C2CD3: variants seen among roughly 807,000 people sequenced by gnomAD.
C2CD3 encodes the protein C2 domain containing 3 centriole elongation regulator.
Under a neutral mutation model 234.0 loss-of-function variants are expected in C2CD3, and 148 were observed. The observed-to-expected ratio is 0.63, with a 90% CI of 0.55 to 0.72. The LOEUF is 0.72. Ranked by LOEUF, C2CD3 falls within the 30% of genes least tolerant of loss-of-function variation. The probability of loss-of-function intolerance (pLI) is 0.00; values close to 1 mark genes in which losing one functional copy is unlikely to be tolerated. For missense variants in C2CD3, 2,577 were observed against 2,811.5 expected, an observed-to-expected ratio of 0.92 and a Z score of 1.89; for synonymous variants, 1,000 against 1,035.4, an observed-to-expected ratio of 0.97 and a Z score of 0.66.
At chr11:74,015,444 G>A (rs1951844964) in intron 32 of C2CD3, among the ~76,000 whole-genome samples, 2 of 152,174 alleles carry the variant, frequency 1.3e-5, no homozygotes, top group Non-Finnish European at 2.9e-5. Context: ...GATCCAAGAT[G>A]GCTGTTTCCT....
intron 3 of C2CD3, among the ~76,000 whole-genome samples, chr11:74,144,277 C>G (rs1322561393): frequency 6.6e-6 from 1 of 152,090 alleles, no homozygotes; most frequent in Non-Finnish European, 1.5e-5. Flanking sequence ...ATAGATTGCT[C>G]CAACAATGCA....
intron 22 of C2CD3, among the ~76,000 whole-genome samples, chr11:74,084,555 C>T (rs913024107): frequency 3.9e-5 from 6 of 152,048 alleles, no homozygotes; most frequent in Non-Finnish European, 5.9e-5. Flanking sequence ...GGATTACAGG[C>T]GTGAGCCACC....
At chr11:74,028,895 G>A (rs1409307685) in intron 31 of C2CD3, among the ~76,000 whole-genome samples, 1 of 152,210 alleles carries the variant, frequency 6.6e-6, no homozygotes, top group East Asian at 1.9e-4. Flanking sequence ...GGGATGTGGG[G>A]ATTGGGATGT....
intron 32 of C2CD3, among the ~76,000 whole-genome samples, chr11:74,014,722 T>C (rs1350468988): frequency 6.6e-6 from 1 of 152,228 alleles, no homozygotes. Context: ...CCTAAAGAAT[T>C]AGAATTGCCA....
intron 32 of C2CD3, among the ~76,000 whole-genome samples, chr11:74,026,198 C>T (rs1180304301): frequency 6.6e-6 from 1 of 152,030 alleles, no homozygotes; most frequent in African/African-American, 2.4e-5. Context: ...GTCCTAGCTA[C>T]TCGAGAGGCT....
intron 26 of C2CD3, among the ~76,000 whole-genome samples, chr11:74,054,271 CAA>C (rs576353352): frequency 0.29 from 27,201 of 93,862 alleles, 2,836 homozygotes; most frequent in Admixed American, 0.39. Context: ...GATTCTGTCT[CAA>C]AAAAAAAAAA....
rs768362091 is a variant in C2CD3, at chr11:74,095,402, C to A, written c.2986G>T (p.Asp996Tyr). 1.2e-6 allele frequency: 2 copies of A among 1,609,348 alleles called. No individual in the cohort carries two copies. Among genetic ancestry groups the A allele is most frequent in the South Asian group, 2.2e-5 (2 of 90,134 alleles). ...TGCTCCATCAGTCCATTTCCTCGGT[C>A]CTCTGCCTATTAAATGAAACAGAAA... ...PTAASVAMAE[D>Y]RGNGLMEHCF... The change falls in exon 17 of 33, where the codon GAC becomes TAC. Residue 996 changes from aspartate to tyrosine, a missense_variant. Physicochemically the swap from Asp to Tyr is radical, Grantham distance 160 (BLOSUM62 -3). Coordinates refer to ENST00000334126, the MANE Select transcript of C2CD3 (RefSeq NM_001286577.2).
At chr11:74,131,935 A>AT (rs1247228120) in intron 7 of C2CD3, among the ~76,000 whole-genome samples, 1 of 152,240 alleles carries the variant, frequency 6.6e-6, no homozygotes, top group Non-Finnish European at 1.5e-5. Context: ...ACTATGCCCT[A>AT]TTAACTTTCC....
At chr11:74,038,367 A>C (rs1952847674) in intron 29 of C2CD3, among the ~76,000 whole-genome samples, 1 of 152,266 alleles carries the variant, frequency 6.6e-6, no homozygotes, top group Non-Finnish European at 1.5e-5. Context: ...CTCCAATAAG[A>C]AATCACACCA....
intron 11 of C2CD3, chr11:74,110,579 C>T (rs1035642271): frequency 6.6e-6 from 1 of 152,186 alleles, no homozygotes; most frequent in African/African-American, 2.4e-5. Flanking sequence ...GGAGGATGAA[C>T]TGAGGTAATA....
rs1045255224 is a variant in C2CD3, at chr11:74,168,164, G to A, written c.325+180C>T. The A allele has an allele frequency of 9.8e-5, 58 of 591,096 alleles. No individual in the cohort carries two copies. In the African/African-American group the frequency reaches 1.0e-3, roughly 10 times the overall value. 36.6% of individuals were successfully genotyped at this position (591,096 alleles called of 1,614,324 possible). The stretch of plus-strand genomic sequence containing the variant: ...ATTAGAAGTAATACATTTCAAAACT[G>A]CTGGCACACAGTAACACTCAATAAA... On this transcript the variant is annotated intron_variant, in intron 2 of 32. Transcript: ENST00000334126.
At chr11:74,154,109 AAAT>A in intron 3 of C2CD3, among the ~76,000 whole-genome samples, 1 of 152,122 alleles carries the variant, frequency 6.6e-6, no homozygotes, top group African/African-American at 2.4e-5. Context: ...AAAACTATAA[AAAT>A]ATTAGGGGAA....
In C2CD3 at chr11:74,164,949, T is replaced by C. The variant is rs1305613270; in HGVS notation, c.326-3393A>G. The C allele has an allele frequency of 5.3e-5, 8 of 152,158 alleles. No homozygotes were observed. In the South Asian group the frequency reaches 6.2e-4, roughly 12 times the overall value. The allele number at this position is 152,158 out of a possible 1,614,324, so 9.4% of individuals were successfully genotyped here. On this transcript the variant is annotated intron_variant, in intron 2 of 32. Transcript: ENST00000334126. ...AGGTGAGTGTCGTGGCATGTGCTTA[T>C]ATTCCCAGTTGCTCAGGAGGCTGAG...
At chr11:74,095,485 T>C in intron 16 of C2CD3, 77 bp from the exon 17 acceptor site, 1 of 1,115,584 alleles carries the variant, frequency 9.0e-7, no homozygotes, top group Non-Finnish European at 1.3e-6. Flanking sequence ...CTATGAAGTC[T>C]GAGTATAGAT....
Position 74,078,737 on chromosome 11 carries a change from A to C in C2CD3, c.4001-20T>G, listed in dbSNP as rs1313343792. 6.4e-7 allele frequency: 1 copy of C among 1,553,604 alleles called. No homozygotes were observed. The highest frequency in any genetic ancestry group is 8.7e-7 in the Non-Finnish European group (1 of 1,155,346). On this transcript the variant is annotated intron_variant, in intron 22 of 32. Coordinates refer to ENST00000334126, the MANE Select transcript of C2CD3 (RefSeq NM_001286577.2). ...TGATCCCTTACGGGAGAAAATAAAG[A>C]TTCTCAATTATAGTCTTAAAAGTAA...
In C2CD3 at chr11:74,028,398, G is replaced by T. The variant is rs753346949; in HGVS notation, c.6810C>A (p.Leu2270=). The T allele has an allele frequency of 3.9e-6, 6 of 1,532,276 alleles. No homozygotes were observed. The African/African-American group carries it at 8.2e-5, about 21-fold the overall frequency. 94.9% of individuals were successfully genotyped at this position (1,532,276 alleles called of 1,614,324 possible). The stretch of plus-strand genomic sequence containing the variant: ...AGTTGGGCACCACAATGGGCCCTGG[G>T]CTACAATGGTAGTTAAGGGACAAAA... ...SETSTKQSLL[L]PGPIVVPNFF... Residue 2270 remains leucine, a splice_region_variant and synonymous_variant, in exon 32 of 33, where the codon CTC becomes CTA. Coordinates refer to ENST00000334126, the MANE Select transcript of C2CD3 (RefSeq NM_001286577.2).
At position 74,048,187 on chromosome 11, in the gene C2CD3, C is replaced by T; in HGVS notation, c.5495+18G>A. 6.2e-7 allele frequency: 1 copy of T among 1,611,160 alleles called. No individual in the cohort carries two copies. The highest frequency in any genetic ancestry group is 8.5e-7 in the Non-Finnish European group (1 of 1,178,602). ...ATTTTTTAACCCCATTTCTTCTCAT[C>T]ATCAAGAATTCACTCACCTCCCAGG... On this transcript the variant is annotated intron_variant, in intron 28 of 32. Coordinates refer to ENST00000334126, the MANE Select transcript of C2CD3 (RefSeq NM_001286577.2).
chr11:74,041,156 C>T (rs951543242), intron 29 of C2CD3, among the ~76,000 whole-genome samples: 1 of 151,974 alleles, frequency 6.6e-6, no homozygotes, highest in Non-Finnish European at 1.5e-5. Context: ...ATTTTACATA[C>T]TCTCCTCCTT....
chr11:74,160,941 AT>A (rs1272820305), intron 3 of C2CD3, among the ~76,000 whole-genome samples: 1 of 152,338 alleles, frequency 6.6e-6, no homozygotes, highest in African/African-American at 2.4e-5. Context: ...TACCACTTAC[AT>A]GAGTCAAACA....
Sources: gnomAD v4.1 joint callset for allele counts (sites outside exome capture counted in the v4.1 genomes callset) on GRCh38, gnomAD v4.1.1 for gene constraint, MANE v1.5 for transcripts, NCBI Gene and HGNC (gene_info 2026-07-23, HGNC 2026-07-21) for gene names.